The following MAST2 variants were observed in gnomAD, a reference collection of about 807,000 sequenced individuals.
MAST2 encodes the protein microtubule associated serine/threonine kinase 2.
MAST2 carries 70 observed loss-of-function variants against 147.4 expected under a neutral mutation model. That is an observed-to-expected ratio of 0.47 (90% confidence interval 0.39 to 0.58). MAST2 has a LOEUF of 0.58. Ranked by LOEUF, MAST2 falls within the 20% of genes least tolerant of loss-of-function variation. The pLI is 0.00. For missense variants in MAST2, 2,080 were observed against 2,302.3 expected (o/e 0.90, Z 1.98); for synonymous variants, 869 against 896.8 (o/e 0.97, Z 0.55).
chr1:46,008,496 C>A, intron 9 of MAST2, 125 bp downstream of exon 9: 1 of 663,072 alleles, frequency 1.5e-6, no homozygotes, highest in Non-Finnish European at 2.7e-6. Context: ...AGAAGAAGAA[C>A]AGAAAGTCAG....
At chr1:45,997,604 T>C (rs1384714602) in intron 5 of MAST2, 120 bp from the exon 6 acceptor site, 2 of 739,454 alleles carry the variant, frequency 2.7e-6, no homozygotes, top group South Asian at 1.6e-5. Flanking sequence ...AAACTGATAG[T>C]GGCCCTGAGA....
In MAST2 at chr1:45,806,583, TC is replaced by T. The variant is rs1435197171; in HGVS notation, c.177+2512del. 3.9e-5 allele frequency among the ~76,000 whole-genome samples: 6 copies of T among 152,016 alleles called. No individual in the cohort carries two copies. In the East Asian group the frequency reaches 1.2e-3, roughly 29 times the overall value. On this transcript the variant is annotated intron_variant, in intron 1 of 28. Transcript: ENST00000361297. ...CCCAGCTAATTTTTTAATTTCTTTT[TC>T]TTTTTCTTTTTGAGACAGAGTCTTG... is the stretch of plus-strand genomic sequence containing the variant.
chr1:45,811,346 T>A (rs1015183519), intron 1 of MAST2, among the ~76,000 whole-genome samples: 4 of 146,824 alleles, frequency 2.7e-5, no homozygotes, highest in African/African-American at 9.9e-5. Context: ...GTATTTTTTT[T>A]TTTTTTTTTT....
chr1:45,932,083 T>C (rs1655407786), intron 4 of MAST2, among the ~76,000 whole-genome samples: 1 of 152,210 alleles, frequency 6.6e-6, no homozygotes, highest in Admixed American at 6.5e-5. Context: ...TTTATTAACG[T>C]GGTGTTTTGC....
intron 4 of MAST2, among the ~76,000 whole-genome samples, chr1:45,901,583 A>G (rs1230538871): frequency 6.6e-6 from 1 of 152,044 alleles, no homozygotes; most frequent in Non-Finnish European, 1.5e-5. Context: ...CAGTGTAGTC[A>G]TTTTCACGAT....
At chr1:45,822,975 T>G (rs1644682920) in intron 1 of MAST2, among the ~76,000 whole-genome samples, 1 of 152,218 alleles carries the variant, frequency 6.6e-6, no homozygotes, top group South Asian at 2.1e-4. Flanking sequence ...ACATCAATTG[T>G]TTGATTCAGT....
Position 46,030,761 on chromosome 1 carries a change from T to C in MAST2, c.2708T>C (p.Ile903Thr), listed in dbSNP as rs377319896. Residue 903 changes from isoleucine (I) to threonine (T), a missense_variant and splice_region_variant, in exon 22 of 29, where the codon ATA becomes ACA. Around this residue, in one of 4 missense-constraint regions of MAST2, gnomAD observed 1,278 missense variants for 1,304.2 expected, o/e 0.98. Coordinates refer to ENST00000361297, the MANE Select transcript of MAST2 (RefSeq NM_015112.3). ...DRSWVIGSPE[I>T]LRKRLSVSES... is the part of the protein sequence containing the mutation. ...AGCTGGGTGATTGGCTCCCCTGAGA[T>C]GTGAGCACCCAGAGTTCACCCAGGG... 3 of 1,575,132 alleles carry C rather than the reference T, an allele frequency of 1.9e-6. No individual in the cohort carries two copies. The highest frequency in any genetic ancestry group is 2.6e-6 in the Non-Finnish European group (3 of 1,165,088).
chr1:45,901,495 G>C (rs1361199335), intron 4 of MAST2, among the ~76,000 whole-genome samples: 3 of 152,114 alleles, frequency 2.0e-5, no homozygotes, highest in South Asian at 4.1e-4. Flanking sequence ...CTCTTCTTTG[G>C]TTCCATATGA....
intron 4 of MAST2, among the ~76,000 whole-genome samples, chr1:45,885,480 G>T (rs1327580067): frequency 6.6e-6 from 1 of 152,104 alleles, no homozygotes; most frequent in East Asian, 1.9e-4. Context: ...CTAGACTTAT[G>T]TGACAACTTG....
At chr1:45,903,961 T>C (rs940753035) in intron 4 of MAST2, among the ~76,000 whole-genome samples, 7 of 152,234 alleles carry the variant, frequency 4.6e-5, no homozygotes, top group Non-Finnish European at 7.3e-5. Flanking sequence ...AGAAAACTAA[T>C]ACATCATGAA....
chr1:46,024,203 A>T (rs368373748), intron 15 of MAST2: 62 of 538,298 alleles, frequency 1.2e-4, no homozygotes, highest in Admixed American at 5.8e-4. Context: ...AGGATGTAGC[A>T]GGCCAGCAGC....
intron 5 of MAST2, among the ~76,000 whole-genome samples, chr1:45,971,592 AC>A (rs1215219402): frequency 6.6e-6 from 1 of 152,126 alleles, no homozygotes; most frequent in Non-Finnish European, 1.5e-5. Context: ...TGCCTCCAAT[AC>A]CCTCTACTGA....
chr1:46,013,124 C>T (rs1012369775), intron 10 of MAST2, among the ~76,000 whole-genome samples: 4 of 152,120 alleles, frequency 2.6e-5, no homozygotes, highest in African/African-American at 9.7e-5. Flanking sequence ...GCATTTAATA[C>T]ATGCTAGACA....
chr1:45,804,572 A>G (rs546460166), intron 1 of MAST2, among the ~76,000 whole-genome samples: 31 of 152,310 alleles, frequency 2.0e-4, no homozygotes, highest in Non-Finnish European at 3.7e-4. Flanking sequence ...GGCTCTCTTT[A>G]CCAACCATCT....
At chr1:45,820,080 A>T (rs1423943918) in intron 1 of MAST2, among the ~76,000 whole-genome samples, 1 of 152,228 alleles carries the variant, frequency 6.6e-6, no homozygotes, top group African/African-American at 2.4e-5. Flanking sequence ...TGCCAAGAAC[A>T]TACTTTGGTA....
At chr1:45,842,463 C>G (rs902755608) in intron 3 of MAST2, among the ~76,000 whole-genome samples, 1 of 152,140 alleles carries the variant, frequency 6.6e-6, no homozygotes, top group African/African-American at 2.4e-5. Context: ...ATCCATTAAG[C>G]CCTTTCTCCC....
intron 5 of MAST2, among the ~76,000 whole-genome samples, chr1:45,982,100 C>T (rs1386271362): frequency 6.6e-6 from 1 of 152,144 alleles, no homozygotes; most frequent in Non-Finnish European, 1.5e-5. Context: ...CTGCCTGCCT[C>T]GGCCTCCCAA....
chr1:45,878,598 G>GA (rs1019286775), intron 3 of MAST2, among the ~76,000 whole-genome samples: 1 of 151,854 alleles, frequency 6.6e-6, no homozygotes, highest in Non-Finnish European at 1.5e-5. Context: ...TGTTTATATA[G>GA]AAAAAATCTA....
At chr1:45,945,059 G>A (rs1024843681) in intron 4 of MAST2, among the ~76,000 whole-genome samples, 2 of 152,148 alleles carry the variant, frequency 1.3e-5, no homozygotes, top group African/African-American at 4.8e-5. Context: ...CAGCATTTAG[G>A]GAGACTGAGG....
Sources: allele counts gnomAD v4.1 joint callset (sites outside exome capture counted in the v4.1 genomes callset), GRCh38; gene constraint gnomAD v4.1.1; regional missense constraint gnomAD v4.1.1; transcripts MANE v1.5; gene names NCBI Gene and HGNC (gene_info 2026-07-23, HGNC 2026-07-21).